KDM8: variants seen among roughly 807,000 people sequenced by gnomAD.
The protein encoded by KDM8 is bifunctional peptidase and arginyl-hydroxylase JMJD5.
A neutral mutation model predicts 46.9 loss-of-function variants in KDM8; 35 were observed. That is an observed-to-expected ratio of 0.75 (90% CI 0.57 to 0.99). The LOEUF is 0.99. KDM8 is among the 50% of genes least tolerant of loss of function. The pLI, the probability that KDM8 is intolerant of heterozygous loss-of-function variation, is 0.00. For missense variants in KDM8, 475 were observed against 537.0 expected, an observed-to-expected ratio of 0.88 and a Z score of 1.14; for synonymous variants, 232 against 227.7, an observed-to-expected ratio of 1.02 and a Z score of -0.17.
intron 1 of KDM8, among the ~76,000 whole-genome samples, chr16:27,209,032 G>C (rs1370082523): frequency 4.6e-5 from 7 of 152,226 alleles, no homozygotes; most frequent in African/African-American, 1.7e-4. Flanking sequence ...TGTGTAGTTT[G>C]GCACAAATTG....
intron 6 of KDM8, among the ~76,000 whole-genome samples, chr16:27,219,724 G>A (rs1404609675): frequency 6.6e-6 from 1 of 152,198 alleles, no homozygotes; most frequent in East Asian, 1.9e-4. Flanking sequence ...CCTCAGCTGT[G>A]TGAGCTTGGG....
Position 27,219,035 on chromosome 16 carries a change from C to T in KDM8, c.918C>T (p.Thr306=), listed in dbSNP as rs1019256637. The change falls in exon 6 of 8, where the codon ACC becomes ACT. Residue 306 remains threonine (T), a synonymous_variant. Coordinates refer to ENST00000286096, the MANE Select transcript of KDM8 (RefSeq NM_024773.3). ...GCGATGGGGAGGAGGAGGAAATCAC[C>T]ATCAATGCCTGGTTTGGTCCCCAGG... ...SLGDGEEEEI[T]INAWFGPQGT... is the part of the protein sequence containing the mutation. 7.4e-6 allele frequency: 12 copies of T among 1,614,006 alleles called. No homozygotes were observed. The highest frequency in any genetic ancestry group is 1.0e-5 in the Non-Finnish European group (12 of 1,179,968).
In KDM8 at chr16:27,210,328, G is replaced by A. The variant is rs539639840; in HGVS notation, c.205G>A (p.Glu69Lys). 498 of 1,613,316 alleles carry A rather than the reference G, an allele frequency of 3.1e-4. 3 individuals carry two copies. In the South Asian group the frequency reaches 5.0e-3, roughly 16 times the overall value. ...GAGGGACGAGTGTCTGCAGAGCAGC[G>A]AGGTGATCCTGGACTACTCCTGGGA... ...GRRDECLQSS[E>K]VILDYSWEKL... The change falls in exon 2 of 8, where the codon GAG becomes AAG. Residue 69 changes from glutamate (E) to lysine (K), a missense_variant. Transcript: ENST00000286096.
At chr16:27,206,842 A>G (rs1485797329) in intron 1 of KDM8, among the ~76,000 whole-genome samples, 1 of 152,198 alleles carries the variant, frequency 6.6e-6, no homozygotes, top group Non-Finnish European at 1.5e-5. Context: ...GCTGCTTCTC[A>G]TAGCCCATGA....
intron 4 of KDM8, 76 bp downstream of exon 4, chr16:27,215,084 T>G: frequency 2.6e-6 from 4 of 1,532,880 alleles, no homozygotes; most frequent in Non-Finnish European, 3.6e-6. Context: ...TAACCCCCCA[T>G]GTGTTGTAAT....
rs573632868 is a variant in KDM8 at position 27,216,703 on chromosome 16, C to T, written c.843+714C>T. ...GGGGCTGTGCCAGGAGCCTTCATGC[C>T]GACATTAAAGGACGCTGGCGGTTTC... On this transcript the variant is annotated intron_variant, in intron 5 of 7. Coordinates refer to ENST00000286096, the MANE Select transcript of KDM8 (RefSeq NM_024773.3). 6.6e-5 allele frequency among the ~76,000 whole-genome samples: 10 copies of T among 152,244 alleles called. No homozygotes were observed. In the South Asian group the frequency reaches 1.7e-3, roughly 25 times the overall value.
rs1281709718 is a variant in KDM8, at chr16:27,220,441, G to A, written c.1042G>A (p.Ala348Thr). The A allele has an allele frequency of 5.6e-6, 9 of 1,614,132 alleles. No homozygotes were observed. Among genetic ancestry groups the A allele is most frequent in the Non-Finnish European group, 7.6e-6 (9 of 1,180,022 alleles). Residue 348 changes from alanine (A) to threonine (T), a missense_variant, in exon 7 of 8, where the codon GCT becomes ACT. Coordinates refer to ENST00000286096, the MANE Select transcript of KDM8 (RefSeq NM_024773.3). ...IRLYSPQESG[A>T]LYPHDTHLLH... ...GCTGTATTCCCCGCAGGAGTCAGGG[G>A]CTCTGTACCCTCATGACACGCACCT... is the stretch of plus-strand genomic sequence containing the variant.
chr16:27,209,305 C>CA (rs1231913617), intron 1 of KDM8, among the ~76,000 whole-genome samples: 3 of 152,240 alleles, frequency 2.0e-5, no homozygotes, highest in Non-Finnish European at 4.4e-5. Context: ...CGGCTTACTG[C>CA]AACCTTTGCC....
At chr16:27,208,257 T>G (rs2083445661) in intron 1 of KDM8, among the ~76,000 whole-genome samples, 1 of 151,528 alleles carries the variant, frequency 6.6e-6, no homozygotes, top group Admixed American at 6.6e-5. Flanking sequence ...GAGGCCACCC[T>G]GGGAGGCCAG....
chr16:27,208,024 GTATCTC>G (rs1295445039), intron 1 of KDM8, among the ~76,000 whole-genome samples: 1 of 152,228 alleles, frequency 6.6e-6, no homozygotes. Flanking sequence ...GTCAACGTAA[GTATCTC>G]TGAAGGCCTT....
At position 27,210,357 on chromosome 16, in the gene KDM8, G is replaced by A. The variant is rs983274192; in HGVS notation, c.234G>A (p.Lys78=). 1 of 1,613,380 alleles carries A rather than the reference G, an allele frequency of 6.2e-7. No individual in the cohort carries two copies. The highest frequency in any genetic ancestry group is 1.3e-5 in the African/African-American group (1 of 75,076). The change falls in exon 2 of 8, where the codon AAG becomes AAA. Residue 78 remains lysine (K), a synonymous_variant. Transcript: ENST00000286096. ...TGATCCTGGACTACTCCTGGGAGAA[G>A]CTCAACACGGGCACATGGCAGGACG... The part of the protein sequence containing the change: ...SEVILDYSWE[K]LNTGTWQDVD...
chr16:27,214,565 A>G, intron 3 of KDM8: 1 of 318,146 alleles, frequency 3.1e-6, no homozygotes, highest in South Asian at 4.5e-5. Context: ...AAGGTTTCTC[A>G]GCTTAGTGAC....
chr16:27,210,956 A>G (rs533338202), intron 2 of KDM8, among the ~76,000 whole-genome samples: 11 of 151,682 alleles, frequency 7.3e-5, no homozygotes, highest in Non-Finnish European at 1.3e-4. Flanking sequence ...TTTATTTTTT[A>G]TTTTTTGTAG....
At chr16:27,210,007 G>A (rs953335727) in intron 1 of KDM8, 86 bp from the exon 2 acceptor site, 18 of 1,383,324 alleles carry the variant, frequency 1.3e-5, no homozygotes, top group Non-Finnish European at 1.5e-5. Context: ...AAAAATCCTC[G>A]CAGATGAGAT....
Position 27,220,601 on chromosome 16 carries a change from C to T in KDM8, c.1122C>T (p.Pro374=), listed in dbSNP as rs746491919. The change falls in exon 8 of 8, where the codon CCC becomes CCT. Residue 374 remains proline, a synonymous_variant. Transcript: ENST00000286096. The stretch of plus-strand genomic sequence containing the variant: ...AGAATCCCGACCTGGAAAAGTTCCC[C>T]AAGTTTGCCAAGGCCCCATTCCTGT... The part of the protein sequence containing the change: ...DVENPDLEKF[P]KFAKAPFLSC... 6 of 1,614,154 alleles carry T rather than the reference C, an allele frequency of 3.7e-6. No homozygotes were observed.
chr16:27,217,318 C>A (rs1214764701), intron 5 of KDM8, among the ~76,000 whole-genome samples: 1 of 152,208 alleles, frequency 6.6e-6, no homozygotes, highest in Non-Finnish European at 1.5e-5. Context: ...TTATTAGTCA[C>A]ATCTCGGGAG....
chr16:27,207,057 T>G (rs2083435716), intron 1 of KDM8, among the ~76,000 whole-genome samples: 1 of 152,154 alleles, frequency 6.6e-6, no homozygotes, highest in South Asian at 2.1e-4. Context: ...TAAGACAAAA[T>G]CTGACTTCAC....
At chr16:27,205,174 C>G (rs1285274874) in intron 1 of KDM8, among the ~76,000 whole-genome samples, 1 of 152,168 alleles carries the variant, frequency 6.6e-6, no homozygotes, top group African/African-American at 2.4e-5. Context: ...AAGTCCAGGC[C>G]TGAGTCTATT....
intron 1 of KDM8, among the ~76,000 whole-genome samples, chr16:27,208,154 T>C (rs2083444559): frequency 6.6e-6 from 1 of 152,242 alleles, no homozygotes; most frequent in African/African-American, 2.4e-5. Context: ...GGAGGCCATC[T>C]TTCCCAGAAG....
Sources: gnomAD v4.1 joint callset for allele counts (sites outside exome capture counted in the v4.1 genomes callset) on GRCh38, gnomAD v4.1.1 for gene constraint, MANE v1.5 for transcripts, NCBI Gene and HGNC (gene_info 2026-07-23, HGNC 2026-07-21) for gene names.